The following TP53INP1 variants were observed in gnomAD, a reference collection of about 807,000 sequenced individuals.
TP53INP1 encodes tumor protein p53 inducible nuclear protein 1, also known as tumor protein p53-inducible nuclear protein 1.
A neutral mutation model predicts 21.0 loss-of-function variants in TP53INP1; 12 were observed. The ratio of observed to expected loss-of-function variants is 0.57; its 90% CI spans 0.37 to 0.93. The LOEUF (loss-of-function observed/expected upper bound fraction) is 0.93, where lower values mean the gene tolerates loss of function less well. TP53INP1 is among the 40% of genes least tolerant of loss of function. TP53INP1 has a pLI of 0.01. For synonymous variants in TP53INP1, 91 were observed against 94.8 expected (o/e 0.96, Z 0.23); for missense variants, 274 against 294.7 (o/e 0.93, Z 0.51).
Position 94,926,386 on chromosome 8 carries a change from C to T in TP53INP1, c.*4093G>A, listed in dbSNP as rs952323247. ...TGCCCCTATAAAGGAAATATGTTCA[C>T]AATTTTACTTGAGAAAAAAAAACAA... is the stretch of plus-strand genomic sequence containing the variant. On this transcript the variant is annotated 3_prime_UTR_variant, in exon 4 of 4. Coordinates refer to ENST00000342697, the MANE Select transcript of TP53INP1 (RefSeq NM_033285.4). 7.0e-6 allele frequency: 1 copy of T among 143,172 alleles called. No homozygotes were observed. Among genetic ancestry groups the T allele is most frequent in the East Asian group, 2.2e-4 (1 of 4,630 alleles). The allele number at this position is 143,172 out of a possible 1,614,324, so 8.9% of individuals were successfully genotyped here. A position where few individuals can be genotyped will look rare whatever the true frequency, so the allele number is the denominator to read the frequency against.
At chr8:94,936,416 AACTG>A (rs1376979888) in intron 3 of TP53INP1, among the ~76,000 whole-genome samples, 1 of 152,196 alleles carries the variant, frequency 6.6e-6, no homozygotes, top group Admixed American at 6.5e-5. Context: ...AATAGCTCTC[AACTG>A]ACTGACAAAG....
chr8:94,936,558 CGAT>C (rs1419051049), intron 3 of TP53INP1, among the ~76,000 whole-genome samples: 1 of 151,984 alleles, frequency 6.6e-6, no homozygotes, highest in Non-Finnish European at 1.5e-5. Context: ...GTTTTCCTAG[CGAT>C]GATGGAAGCC....
intron 3 of TP53INP1, among the ~76,000 whole-genome samples, chr8:94,931,184 CACAAG>C (rs1244130548): frequency 6.6e-6 from 1 of 152,206 alleles, no homozygotes; most frequent in East Asian, 1.9e-4. Context: ...ACAATACCTT[CACAAG>C]ACATTTCCTG....
At position 94,940,097 on chromosome 8, in the gene TP53INP1, G is replaced by T. The variant is rs752824606; in HGVS notation, c.236C>A (p.Thr79Lys). Residue 79 changes from threonine (T) to lysine (K), a missense_variant, in exon 3 of 4, where the codon ACA (threonine) becomes AAA (lysine). By Grantham distance (78) the Thr-to-Lys change is moderately conservative. Coordinates refer to ENST00000342697, the MANE Select transcript of TP53INP1 (RefSeq NM_033285.4). ...AAACTGGAGAAAGCAGGAATCACTT[G>T]TATCAGCCAAGCACTCAAGAGATGC... ...LPASLECLAD[T>K]SDSCFLQFES... 3 of 1,614,194 alleles carry T rather than the reference G, an allele frequency of 1.9e-6. No individual in the cohort carries two copies. Among genetic ancestry groups the T allele is most frequent in the East Asian group, 4.5e-5 (2 of 44,888 alleles).
Position 94,940,888 on chromosome 8 carries a change from G to C in TP53INP1, c.54C>G (p.Asn18Lys), listed in dbSNP as rs780591115. 1.2e-5 allele frequency: 19 copies of C among 1,613,578 alleles called. No individual in the cohort carries two copies. The highest frequency in any genetic ancestry group is 1.7e-5 in the Admixed American group (1 of 59,924). Residue 18 changes from asparagine (N) to lysine (K), a missense_variant, in exon 2 of 4, where the codon AAC becomes AAG. Physicochemically the swap from Asn to Lys is moderately conservative, Grantham distance 94 (BLOSUM62 0). Coordinates refer to ENST00000342697, the MANE Select transcript of TP53INP1 (RefSeq NM_033285.4). Reference sequence around the variant, plus strand: ...CTTTCTCATTGAATTCTGGTTCTTGGTTGGAGGAAGAACTGACTTCACCCA... The same window carrying C: ...CTTTCTCATTGAATTCTGGTTCTTGCTTGGAGGAAGAACTGACTTCACCCA... ...MFVGEVSSSS[N>K]QEPEFNEKED...
At chr8:94,945,218 A>G (rs951786105) in intron 1 of TP53INP1, among the ~76,000 whole-genome samples, 4 of 152,250 alleles carry the variant, frequency 2.6e-5, no homozygotes, top group African/African-American at 7.2e-5. Context: ...AAGTCTAAAT[A>G]TAGATCAAGT....
At position 94,927,784 on chromosome 8, in the gene TP53INP1, A is replaced by C. The variant is rs1820028694; in HGVS notation, c.*2695T>G. ...TGCTTGTGTACACCACATATTCCAG[A>C]CTTTTTCCAAGTAACATTCTATGTT... On this transcript the variant is annotated 3_prime_UTR_variant, in exon 4 of 4. Coordinates refer to ENST00000342697, the MANE Select transcript of TP53INP1 (RefSeq NM_033285.4). 1 of 152,560 alleles carries C rather than the reference A, an allele frequency of 6.6e-6. No individual in the cohort carries two copies. The highest frequency in any genetic ancestry group is 1.5e-5 in the Non-Finnish European group (1 of 68,036). 9.5% of individuals were successfully genotyped at this position (152,560 alleles called of 1,614,324 possible).
chr8:94,944,796 C>T (rs1197199179), intron 1 of TP53INP1, among the ~76,000 whole-genome samples: 2 of 152,208 alleles, frequency 1.3e-5, no homozygotes, highest in African/African-American at 4.8e-5. Context: ...ATTGGCCCTT[C>T]TGAGCTTCAG....
In TP53INP1 at chr8:94,930,527, G is replaced by A; in HGVS notation, c.675C>T (p.His225=). The change falls in exon 4 of 4, where the codon CAC becomes CAT. Residue 225 remains histidine (H), a synonymous_variant. Coordinates refer to ENST00000342697, the MANE Select transcript of TP53INP1 (RefSeq NM_033285.4). The part of the protein sequence containing the change: ...TRDCHPRQVK[H]NGWVVHQPCP... ...AGGGCTGATGAACAACCCAGCCATT[G>A]TGCTTGACTTGCCGAGGGTGGCAAT... The A allele has an allele frequency of 1.2e-6, 2 of 1,614,212 alleles. No homozygotes were observed. The highest frequency in any genetic ancestry group is 8.5e-7 in the Non-Finnish European group (1 of 1,180,048).
intron 3 of TP53INP1, among the ~76,000 whole-genome samples, chr8:94,935,128 T>TAGATAGATAGATAG (rs1554630991): frequency 2.8e-5 from 4 of 144,750 alleles, no homozygotes; most frequent in East Asian, 2.0e-4. Flanking sequence ...GGTAGATAGA[T>TAGATAGATAGATAG]ATAGATAGAT....
intron 3 of TP53INP1, among the ~76,000 whole-genome samples, chr8:94,934,356 G>A (rs982659195): frequency 1.3e-5 from 2 of 151,848 alleles, no homozygotes; most frequent in Non-Finnish European, 2.9e-5. Context: ...ATAAATGCCA[G>A]TAAGTTTAAA....
In TP53INP1 at chr8:94,939,713, G is replaced by A. The variant is rs563109074; in HGVS notation, c.473+147C>T. On this transcript the variant is annotated intron_variant, in intron 3 of 3. Coordinates refer to ENST00000342697, the MANE Select transcript of TP53INP1 (RefSeq NM_033285.4). ...GTGACTGGTCAACAAGTTATCTTAC[G>A]GACCATCTTGTGTACTATGCACATG... The A allele has an allele frequency of 1.5e-4, 169 of 1,162,472 alleles. 1 individual carries two copies. In the African/African-American group the frequency reaches 1.6e-3, roughly 11 times the overall value. 72.0% of individuals were successfully genotyped at this position (1,162,472 alleles called of 1,614,324 possible). A position where few individuals can be genotyped will look rare whatever the true frequency, so the allele number is the denominator to read the frequency against.
intron 3 of TP53INP1, among the ~76,000 whole-genome samples, chr8:94,932,526 G>A (rs567451543): frequency 2.2e-4 from 34 of 152,290 alleles, no homozygotes; most frequent in South Asian, 1.2e-3. Context: ...AATCCCTGCC[G>A]GGCACGGTGG....
intron 1 of TP53INP1, among the ~76,000 whole-genome samples, chr8:94,941,709 T>C (rs1404210933): frequency 1.1e-4 from 17 of 152,180 alleles, no homozygotes; most frequent in Admixed American, 1.1e-3. Flanking sequence ...GCTCAGCAGG[T>C]GGGTGCTGGG....
intron 1 of TP53INP1, among the ~76,000 whole-genome samples, chr8:94,948,467 A>G (rs551322521): frequency 2.4e-4 from 36 of 152,352 alleles, no homozygotes; most frequent in Admixed American, 1.1e-3. Flanking sequence ...CTCTTTCCAC[A>G]GGTGCAAAGT....
intron 1 of TP53INP1, among the ~76,000 whole-genome samples, chr8:94,943,136 G>A (rs570335384): frequency 1.4e-4 from 21 of 152,288 alleles, no homozygotes; most frequent in Non-Finnish European, 2.9e-4. Context: ...CAGGAGTGTG[G>A]TCTCAGCTAG....
At chr8:94,947,284 TAA>T (rs11331443) in intron 1 of TP53INP1, among the ~76,000 whole-genome samples, 281 of 142,948 alleles carry the variant, frequency 2.0e-3, no homozygotes, top group Admixed American at 2.9e-3. Context: ...CAAAAAATAT[TAA>T]AAAAAAAAAA....
chr8:94,936,851 T>C (rs1423545349), intron 3 of TP53INP1, among the ~76,000 whole-genome samples: 2 of 152,164 alleles, frequency 1.3e-5, no homozygotes, highest in Non-Finnish European at 2.9e-5. Context: ...AGAGACAGGC[T>C]GCATCTAGAC....
chr8:94,940,239 T>A lies in TP53INP1; in HGVS notation c.113-19A>T. The A allele has an allele frequency of 7.6e-6, 12 of 1,587,470 alleles. No homozygotes were observed. The highest frequency in any genetic ancestry group is 1.0e-5 in the Non-Finnish European group (12 of 1,165,598). On this transcript the variant is annotated intron_variant, in intron 2 of 3. Coordinates refer to ENST00000342697, the MANE Select transcript of TP53INP1 (RefSeq NM_033285.4). ...CAAGTATCTAGATCGTAGTCCACAT[T>A]GCAGTCCACATGTGTTGTTGAAGAG...
Sources: gnomAD v4.1 joint callset for allele counts (sites outside exome capture counted in the v4.1 genomes callset) on GRCh38, gnomAD v4.1.1 for gene constraint, MANE v1.5 for transcripts, NCBI Gene and HGNC (gene_info 2026-07-23, HGNC 2026-07-21) for gene names.